The following DDX4 variants were observed in gnomAD, a reference collection of about 807,000 sequenced individuals.
The protein encoded by DDX4 is probable ATP-dependent RNA helicase DDX4.
In DDX4, 25 loss-of-function variants were observed where a neutral mutation model predicts 100.0. The ratio of observed to expected loss-of-function variants is 0.25; its 90% CI spans 0.18 to 0.35. DDX4 has a LOEUF of 0.35. DDX4 is among the 10% of genes least tolerant of loss of function. The probability of loss-of-function intolerance (pLI) is 1.00; values close to 1 mark genes in which losing one functional copy is unlikely to be tolerated. For synonymous variants in DDX4, 259 were observed against 275.7 expected, an observed-to-expected ratio of 0.94 and a Z score of 0.60; for missense variants, 635 against 882.4, an observed-to-expected ratio of 0.72 and a Z score of 3.55.
Position 55,770,779 on chromosome 5 carries a change from T to A in DDX4, c.394+2839T>A, listed in dbSNP as rs565653320. 2.6e-5 allele frequency among the ~76,000 whole-genome samples: 4 copies of A among 152,250 alleles called. No individual in the cohort carries two copies. In the South Asian group the frequency reaches 8.3e-4, roughly 32 times the overall value. On this transcript the variant is annotated intron_variant, in intron 7 of 21. Transcript: ENST00000505374. ...GAGAGGGGTGGTGGTGGGGAGAAAG[T>A]TAAGCTAAGAAAAAACAAGACTCAT...
Position 55,816,637 on chromosome 5 carries a change from T to A in DDX4, c.*97T>A. The A allele has an allele frequency of 6.5e-7, 1 of 1,530,406 alleles. No individual in the cohort carries two copies. The highest frequency in any genetic ancestry group is 2.4e-5 in the East Asian group (1 of 41,402). The allele number at this position is 1,530,406 out of a possible 1,614,324, so 94.8% of individuals were successfully genotyped here. On this transcript the variant is annotated 3_prime_UTR_variant, in exon 22 of 22. Transcript: ENST00000505374. ...AGAAGTATAAAACTTAACATTCTCA[T>A]AGCTCCTGTCCTTGTATTCTCACTC...
At chr5:55,762,136 T>C (rs1342901722) in intron 4 of DDX4, among the ~76,000 whole-genome samples, 1 of 152,156 alleles carries the variant, frequency 6.6e-6, no homozygotes, top group East Asian at 1.9e-4. Context: ...GTTACACAGA[T>C]CCCTTTTAAC....
Position 55,805,354 on chromosome 5 carries a change from C to T in DDX4, c.1615+6783C>T, listed in dbSNP as rs545379878. Among the ~76,000 whole-genome samples the T allele has an allele frequency of 2.6e-5, 4 of 151,648 alleles. No individual in the cohort carries two copies. In the South Asian group the frequency reaches 8.4e-4, roughly 32 times the overall value. ...TAATTGCCCTGGCCAGAACTTCCAA[C>T]ACTATGTTGAATAGGAGTGGTGAGA... On this transcript the variant is annotated intron_variant, in intron 18 of 21. Transcript: ENST00000505374.
rs1303880095 is a variant in DDX4 at position 55,816,954 on chromosome 5, A to G, written c.*414A>G. On this transcript the variant is annotated 3_prime_UTR_variant, in exon 22 of 22. Transcript: ENST00000505374. ...GTCTTTAAAACAGTAGTGTGTCACT[A>G]TAATGTGATAATCTTTAAGAGAAAG... 1.3e-5 allele frequency: 2 copies of G among 157,148 alleles called. No homozygotes were observed. Among genetic ancestry groups the G allele is most frequent in the Non-Finnish European group, 2.8e-5 (2 of 71,390 alleles). 9.7% of individuals were successfully genotyped at this position (157,148 alleles called of 1,614,324 possible). A position where few individuals can be genotyped will look rare whatever the true frequency, so the allele number is the denominator to read the frequency against.
At chr5:55,742,195 T>C (rs1032617924) in intron 2 of DDX4, 1 of 456,158 alleles carries the variant, frequency 2.2e-6, no homozygotes, top group African/African-American at 2.0e-5. Flanking sequence ...TCTCAACCAT[T>C]AGGCATTTGC....
At chr5:55,784,205 G>A (rs1742103211) in intron 10 of DDX4, among the ~76,000 whole-genome samples, 2 of 152,126 alleles carry the variant, frequency 1.3e-5, no homozygotes, top group Non-Finnish European at 2.9e-5. Context: ...GCGGAGTCAG[G>A]GGGCGGGGGA....
At chr5:55,763,446 T>C (rs924150456) in intron 5 of DDX4, among the ~76,000 whole-genome samples, 194 bp downstream of exon 5, 3 of 152,132 alleles carry the variant, frequency 2.0e-5, no homozygotes, top group Non-Finnish European at 4.4e-5. Context: ...AGATTACTGA[T>C]GAATGCTTTT....
chr5:55,798,370 T>C (rs1743093086), intron 17 of DDX4, 56 bp from the exon 18 acceptor site: 3 of 1,570,814 alleles, frequency 1.9e-6, no homozygotes, highest in Non-Finnish European at 2.6e-6. Flanking sequence ...TCAGTGGATA[T>C]TATGGATACT....
chr5:55,786,427 G>C, intron 13 of DDX4, 91 bp from the exon 14 acceptor site: 1 of 1,014,700 alleles, frequency 9.9e-7, no homozygotes, highest in Non-Finnish European at 1.4e-6. Flanking sequence ...AGAATTAACA[G>C]AACTTGGAAA....
At chr5:55,748,216 C>T (rs1475360560) in intron 3 of DDX4, among the ~76,000 whole-genome samples, 1 of 152,196 alleles carries the variant, frequency 6.6e-6, no homozygotes, top group African/African-American at 2.4e-5. Flanking sequence ...ATCCTGCCTG[C>T]TGAAACCCCA....
intron 18 of DDX4, among the ~76,000 whole-genome samples, chr5:55,799,361 C>G (rs546893774): frequency 6.6e-6 from 1 of 152,136 alleles, no homozygotes; most frequent in South Asian, 2.1e-4. Context: ...CTGTACTCAC[C>G]CCAATTTTAC....
At chr5:55,748,337 G>A (rs138174137) in intron 3 of DDX4, among the ~76,000 whole-genome samples, 189 of 152,202 alleles carry the variant, frequency 1.2e-3, no homozygotes, top group African/African-American at 4.2e-3. Context: ...TATTTACATC[G>A]ATTGCTGTGT....
intron 3 of DDX4, among the ~76,000 whole-genome samples, chr5:55,755,981 TA>T (rs1450949036): frequency 1.3e-5 from 2 of 152,200 alleles, no homozygotes; most frequent in African/African-American, 4.8e-5. Context: ...ATGGCAGTCA[TA>T]TAAAATGGCG....
chr5:55,790,279 G>C (rs1742487512), intron 15 of DDX4, among the ~76,000 whole-genome samples: 1 of 151,540 alleles, frequency 6.6e-6, no homozygotes, highest in African/African-American at 2.4e-5. Flanking sequence ...TGAGTAGCTG[G>C]GATTATAGGC....
intron 17 of DDX4, among the ~76,000 whole-genome samples, chr5:55,796,816 T>C (rs1183265111): frequency 7.3e-6 from 1 of 137,330 alleles, no homozygotes; most frequent in African/African-American, 2.7e-5. Context: ...TCTTTTTTTC[T>C]TTCTTTCTTT....
chr5:55,785,025 T>A (rs968534916), intron 10 of DDX4, among the ~76,000 whole-genome samples: 3 of 152,240 alleles, frequency 2.0e-5, no homozygotes, highest in Non-Finnish European at 4.4e-5. Flanking sequence ...CAACACAGGT[T>A]CTTTTAGAAA....
At chr5:55,758,868 TAAAAAAAAAAAAAAA>T (rs35392036) in intron 3 of DDX4, among the ~76,000 whole-genome samples, 2 of 70,304 alleles carry the variant, frequency 2.8e-5, no homozygotes, top group Non-Finnish European at 2.8e-5. Context: ...TTTGTTTCCT[TAAAAAAAAAAAAAAA>T]AAAAAAAAAA....
chr5:55,772,100 A>G (rs887939855), intron 7 of DDX4, among the ~76,000 whole-genome samples: 1 of 152,072 alleles, frequency 6.6e-6, no homozygotes, highest in Non-Finnish European at 1.5e-5. Context: ...AGTCCCACCT[A>G]CTCGGCAGGC....
chr5:55,782,767 A>C (rs1161946871), intron 10 of DDX4, among the ~76,000 whole-genome samples: 1 of 151,352 alleles, frequency 6.6e-6, no homozygotes, highest in African/African-American at 2.4e-5. Context: ...AGCTCAATAT[A>C]TAATTTTTTA....
Sources: allele counts gnomAD v4.1 joint callset (sites outside exome capture counted in the v4.1 genomes callset), GRCh38; gene constraint gnomAD v4.1.1; transcripts MANE v1.5; gene names NCBI Gene and HGNC (gene_info 2026-07-23, HGNC 2026-07-21).